CLDN16: variants seen among roughly 807,000 people sequenced by gnomAD.
The protein encoded by CLDN16 is claudin-16.
CLDN16 carries 13 observed loss-of-function variants against 24.6 expected under a neutral mutation model. That is an observed-to-expected ratio of 0.53 (90% CI 0.34 to 0.84). CLDN16 has a LOEUF of 0.84. Ranked by LOEUF, CLDN16 falls within the 40% of genes least tolerant of loss-of-function variation. CLDN16 has a pLI of 0.01. For synonymous variants in CLDN16, 116 were observed against 106.7 expected (o/e 1.09, Z -0.54); for missense variants, 298 against 292.7 (o/e 1.02, Z -0.13).
At chr3:190,303,954 C>A in the CLDN16 span, among the ~76,000 whole-genome samples, 1 of 152,126 alleles carries the variant, frequency 6.6e-6, no homozygotes, top group African/African-American at 2.4e-5. Flanking sequence ...AAAGGGTGAA[C>A]TGACAGCAAA....
At chr3:190,344,780 T>C (rs1717516788) in intron 1 of CLDN16, among the ~76,000 whole-genome samples, 1 of 151,668 alleles carries the variant, frequency 6.6e-6, no homozygotes, top group African/African-American at 2.4e-5. Flanking sequence ...GGAGAAAGAG[T>C]TGCAAAAATT....
upstream of CLDN16, among the ~76,000 whole-genome samples, chr3:190,383,285 G>A (rs1296434477): frequency 6.6e-6 from 1 of 152,118 alleles, no homozygotes; most frequent in Non-Finnish European, 1.5e-5. Context: ...CACGGAGGGG[G>A]CAGACACTGG....
At chr3:190,302,606 G>T in the CLDN16 span, among the ~76,000 whole-genome samples, 1 of 151,664 alleles carries the variant, frequency 6.6e-6, no homozygotes, top group Non-Finnish European at 1.5e-5. Flanking sequence ...CTCATCTCTA[G>T]AAAAAAATAC....
At chr3:190,408,005 G>A (rs1360580877) in intron 3 of CLDN16, among the ~76,000 whole-genome samples, 2 of 152,156 alleles carry the variant, frequency 1.3e-5, no homozygotes, top group Non-Finnish European at 2.9e-5. Context: ...ATACTAACAT[G>A]GCATTGGAAA....
chr3:190,330,677 A>T (rs1040666891), intron 1 of CLDN16, among the ~76,000 whole-genome samples: 2 of 152,178 alleles, frequency 1.3e-5, no homozygotes, highest in African/African-American at 4.8e-5. Context: ...TGAGAATCGG[A>T]ACAAGTACAT....
chr3:190,357,001 C>T (rs76009581), intron 1 of CLDN16, among the ~76,000 whole-genome samples: 4,548 of 151,938 alleles, frequency 0.03, 100 homozygotes, highest in East Asian at 0.056. Flanking sequence ...AGATGAAAAT[C>T]AGTGTTCACT....
chr3:190,347,934 C>T (rs987435426), intron 1 of CLDN16, among the ~76,000 whole-genome samples: 5 of 151,690 alleles, frequency 3.3e-5, no homozygotes, highest in Admixed American at 1.3e-4. Flanking sequence ...TGGTACAGGG[C>T]GAGGAATCGG....
chr3:190,328,688 CA>C (rs1717122291), intron 1 of CLDN16, among the ~76,000 whole-genome samples: 1 of 149,702 alleles, frequency 6.7e-6, no homozygotes, highest in Admixed American at 6.6e-5. Flanking sequence ...AAAAAAAAAA[CA>C]AGATTTTATA....
At position 190,376,786 on chromosome 3, in the gene CLDN16, G is replaced by A. The variant is rs183625641; in HGVS notation, n.306+2183G>A. Among the ~76,000 whole-genome samples the A allele has an allele frequency of 2.4e-4, 37 of 152,082 alleles. No homozygotes were observed. The East Asian group carries it at 6.4e-3, about 26-fold the overall frequency. On this transcript the variant is annotated intron_variant and non_coding_transcript_variant, in intron 3 of 4. Transcript: ENST00000468220. ...AGAGAATTACAGTTTGATAAGTGATGTAACAGGAAGAGGTAGACTCAGAGA... is the reference window on the plus strand; with the variant it reads ...AGAGAATTACAGTTTGATAAGTGATATAACAGGAAGAGGTAGACTCAGAGA...
At chr3:190,378,294 G>C (rs1476368120) in intron 3 of CLDN16, among the ~76,000 whole-genome samples, 1 of 151,978 alleles carries the variant, frequency 6.6e-6, no homozygotes, top group Non-Finnish European at 1.5e-5. Context: ...TCAGTAGGTA[G>C]AATCAGCAGA....
the CLDN16 span, among the ~76,000 whole-genome samples, chr3:190,299,831 T>G: frequency 3.0e-4 from 46 of 152,238 alleles, no homozygotes; most frequent in Admixed American, 1.4e-3. Context: ...GATATATAGG[T>G]ACCACTCATT....
chr3:190,371,369 T>C (rs567161885), intron 2 of CLDN16, among the ~76,000 whole-genome samples: 1 of 152,000 alleles, frequency 6.6e-6, no homozygotes, highest in Admixed American at 6.6e-5. Context: ...AATTTCTTTT[T>C]AGTTTCTCTG....
In CLDN16 at chr3:190,326,273, C is replaced by A. The variant is rs1009809229; in HGVS notation, n.121+3612C>A. On this transcript the variant is annotated intron_variant and non_coding_transcript_variant, in intron 1 of 4. Coordinates refer to the CLDN16 transcript ENST00000468220. Reference sequence around the variant, plus strand: ...GATCAGATACGTTCCATTTCTGATCCTGCCATTTGCAAATGATCCTCATGT... The same window carrying A: ...GATCAGATACGTTCCATTTCTGATCATGCCATTTGCAAATGATCCTCATGT... 1.1e-4 allele frequency among the ~76,000 whole-genome samples: 17 copies of A among 152,282 alleles called. No individual in the cohort carries two copies. The Middle Eastern group carries it at 0.01, about 91-fold the overall frequency.
chr3:190,313,931 A>T, the CLDN16 span, among the ~76,000 whole-genome samples: 4 of 152,222 alleles, frequency 2.6e-5, no homozygotes, highest in Admixed American at 6.5e-5. Context: ...ATTTTTAAAT[A>T]TGAACTGAAA....
upstream of CLDN16, among the ~76,000 whole-genome samples, chr3:190,383,736 TCTTTC>T (rs1718420131): frequency 6.6e-6 from 1 of 152,204 alleles, no homozygotes; most frequent in Non-Finnish European, 1.5e-5. Context: ...CTACACTTTT[TCTTTC>T]CTTTGTTTTC....
At chr3:190,367,583 A>G (rs564923219) in intron 1 of CLDN16, among the ~76,000 whole-genome samples, 3 of 152,112 alleles carry the variant, frequency 2.0e-5, no homozygotes, top group African/African-American at 4.8e-5. Flanking sequence ...TTATTTGTCA[A>G]AGAGTATTAC....
upstream of CLDN16, among the ~76,000 whole-genome samples, chr3:190,320,657 T>C (rs1486598881): frequency 6.6e-6 from 1 of 152,198 alleles, no homozygotes; most frequent in African/African-American, 2.4e-5. Context: ...CTAAACTATA[T>C]GGCTTTTGAT....
In CLDN16 at chr3:190,395,637, C is replaced by T. The variant is rs545528556; in HGVS notation, c.115-6700C>T. ...TAAGTAGGTATCTAAGTAGGAAAGTCACATCTTCAAGGTTAAAATATATTA... is the reference window on the plus strand; with the variant it reads ...TAAGTAGGTATCTAAGTAGGAAAGTTACATCTTCAAGGTTAAAATATATTA... On this transcript the variant is annotated intron_variant, in intron 1 of 4. Coordinates refer to ENST00000264734, the MANE Select transcript of CLDN16 (RefSeq NM_006580.4). Among the ~76,000 whole-genome samples, 16 of 152,074 alleles carry T rather than the reference C, an allele frequency of 1.1e-4. No individual in the cohort carries two copies. In the South Asian group the frequency reaches 3.3e-3, roughly 32 times the overall value.
the CLDN16 span, among the ~76,000 whole-genome samples, chr3:190,311,726 A>G: frequency 1.3e-5 from 2 of 151,444 alleles, no homozygotes; most frequent in Non-Finnish European, 2.9e-5. Flanking sequence ...ATCAACATAT[A>G]TAACACAGTG....
Sources: allele counts gnomAD v4.1 joint callset (sites outside exome capture counted in the v4.1 genomes callset), GRCh38; gene constraint gnomAD v4.1.1; transcripts MANE v1.5; gene names NCBI Gene and HGNC (gene_info 2026-07-23, HGNC 2026-07-21).